PPL: variants seen among roughly 807,000 people sequenced by gnomAD.
PPL encodes the protein 190 kDa paraneoplastic pemphigus antigen.
A neutral mutation model predicts 194.4 loss-of-function variants in PPL; 198 were observed. The observed-to-expected ratio is 1.02, with a 90% CI of 0.91 to 1.15. PPL has a LOEUF of 1.15. Among genes scored for constraint, PPL ranks in the 50% most tolerant of loss-of-function variants. The pLI is 0.00. For missense variants in PPL, 2,885 were observed against 2,294.8 expected (o/e 1.26, Z -5.25); for synonymous variants, 1,220 against 972.4 (o/e 1.25, Z -4.74).
At chr16:4,907,318 A>T (rs1182262833) in intron 2 of PPL, among the ~76,000 whole-genome samples, 5 of 9,012 alleles carry the variant, frequency 5.5e-4, no homozygotes, top group African/African-American at 7.8e-4. Flanking sequence ...TCACACACAC[A>T]CACACACACA....
chr16:4,888,555 CCTCTT>C (rs1481554750), intron 19 of PPL, among the ~76,000 whole-genome samples: 12 of 152,160 alleles, frequency 7.9e-5, no homozygotes, highest in African/African-American at 2.9e-4. Context: ...CTTGCCACCA[CCTCTT>C]CTCATGTTTA....
rs1369326572 is a variant in PPL, at chr16:4,884,077, C to T, written c.4578G>A (p.Glu1526=). 14 of 1,613,160 alleles carry T rather than the reference C, an allele frequency of 8.7e-6. No homozygotes were observed. Among genetic ancestry groups the T allele is most frequent in the Non-Finnish European group, 1.0e-5 (12 of 1,179,964 alleles). ...CGTCCAGCTCGCGCTTGCTGCGGCTCTCCTCCTCCAGGCTGCTCTTGAGCC... is the reference window on the plus strand; with the variant it reads ...CGTCCAGCTCGCGCTTGCTGCGGCTTTCCTCCTCCAGGCTGCTCTTGAGCC... The part of the protein sequence containing the change: ...IQRLKSSLEE[E]SRSKRELDVE... Residue 1526 remains glutamate, a synonymous_variant, in exon 22 of 22, where the codon GAG becomes GAA. Coordinates refer to ENST00000345988, the MANE Select transcript of PPL (RefSeq NM_002705.5). The surrounding 1 kb of genome is among the most constrained non-coding windows in gnomAD (Gnocchi z 5.7).
rs149084017 is a variant in PPL at position 4,884,402 on chromosome 16, C to A, written c.4253G>T (p.Arg1418Leu). 4.4e-6 allele frequency: 7 copies of A among 1,608,368 alleles called. No individual in the cohort carries two copies. In the South Asian group the frequency reaches 5.5e-5, roughly 13 times the overall value. ...RERQARREAE[R>L]EVQRLQQRLA... ...CCGCTGCTGCAACCGCTGTACCTCG[C>A]GCTCGGCCTCCCTGCGGGCCTGCCG... The change falls in exon 22 of 22, where the codon CGC becomes CTC. Residue 1418 changes from arginine to leucine, a missense_variant. Coordinates refer to ENST00000345988, the MANE Select transcript of PPL (RefSeq NM_002705.5). The surrounding 1 kb of genome is among the most constrained non-coding windows in gnomAD (Gnocchi z 5.7).
At chr16:4,897,332 CAAAAAAAAA>C (rs57191109) in intron 9 of PPL, among the ~76,000 whole-genome samples, 1 of 53,428 alleles carries the variant, frequency 1.9e-5, no homozygotes, top group Non-Finnish European at 3.6e-5. Context: ...AAGACTCTCT[CAAAAAAAAA>C]AAAAAAAAAA....
intron 2 of PPL, 32 bp from the exon 3 acceptor site, chr16:4,904,072 C>A: frequency 1.3e-6 from 2 of 1,599,796 alleles, no homozygotes; most frequent in Non-Finnish European, 1.7e-6. Context: ...GGACAATGAA[C>A]AGGAGCCGAG....
chr16:4,895,365 C>A lies in PPL; in HGVS notation c.1138G>T (p.Gly380Trp), dbSNP rs371195256. Reference sequence around the variant, plus strand: ...ACCTGCTGGCCTCGCTTCTGCAGCCCCTGCACCACGTCCTCATACTTGTCC... The same window carrying A: ...ACCTGCTGGCCTCGCTTCTGCAGCCACTGCACCACGTCCTCATACTTGTCC... ...VLDKYEDVVQ[G>W]LQKRGQQVVP... The change falls in exon 11 of 22, where the codon GGG becomes TGG. Residue 380 changes from glycine to tryptophan, a missense_variant. Physicochemically the swap from Gly to Trp is radical, Grantham distance 184. Coordinates refer to ENST00000345988, the MANE Select transcript of PPL (RefSeq NM_002705.5). 24 of 1,613,394 alleles carry A rather than the reference C, an allele frequency of 1.5e-5. No homozygotes were observed. The highest frequency in any genetic ancestry group is 3.3e-4 in the Middle Eastern group (2 of 6,060).
chr16:4,893,877 A>C, intron 12 of PPL: 1 of 562,818 alleles, frequency 1.8e-6, no homozygotes. Flanking sequence ...CTGTCCAATA[A>C]TCACCACCAA....
intron 3 of PPL, among the ~76,000 whole-genome samples, 163 bp downstream of exon 3, chr16:4,903,720 CAAA>C (rs57261954): frequency 7.7e-6 from 1 of 129,496 alleles, no homozygotes; most frequent in Non-Finnish European, 1.7e-5. Context: ...AACTACGTCT[CAAA>C]AAAAAAAAAA....
rs757266130 is a variant in PPL at position 4,884,429 on chromosome 16, T to A, written c.4226A>T (p.Glu1409Val). The change falls in exon 22 of 22, where the codon GAG (glutamate) becomes GTG (valine). Residue 1409 changes from glutamate to valine, a missense_variant. Coordinates refer to ENST00000345988, the MANE Select transcript of PPL (RefSeq NM_002705.5). This position sits in a 1 kb window ranked among gnomAD's most constrained non-coding sequence, Gnocchi z 5.7. Reference sequence around the variant, plus strand: ...CTCGGCCTCCCTGCGGGCCTGCCGCTCGCGCTCTAGCTCCTCCAGCTGCCG... The same window carrying A: ...CTCGGCCTCCCTGCGGGCCTGCCGCACGCGCTCTAGCTCCTCCAGCTGCCG... The part of the protein sequence containing the change: ...LERQLEELER[E>V]RQARREAERE... 131 of 1,603,430 alleles carry A rather than the reference T, an allele frequency of 8.2e-5. No individual in the cohort carries two copies. Among genetic ancestry groups the A allele is most frequent in the Non-Finnish European group, 1.1e-4 (127 of 1,177,472 alleles).
chr16:4,923,217 G>A (rs970243883), intron 1 of PPL, among the ~76,000 whole-genome samples: 1 of 152,178 alleles, frequency 6.6e-6, no homozygotes, highest in Non-Finnish European at 1.5e-5. Flanking sequence ...GGTTCTACCT[G>A]GGAACGCGTC....
Position 4,887,132 on chromosome 16 carries a change from T to C in PPL, c.2607+3A>G. The C allele has an allele frequency of 6.2e-7, 1 of 1,606,406 alleles. No individual in the cohort carries two copies. Among genetic ancestry groups the C allele is most frequent in the Non-Finnish European group, 8.5e-7 (1 of 1,172,916 alleles). On this transcript the variant is annotated splice_donor_region_variant and intron_variant, in intron 21 of 21. Transcript: ENST00000345988. ...AGTAGAATTTCTTACTAAGATCAGT[T>C]ACCTGTCTGAGGAGATTCAGAGCAA...
chr16:4,887,358 C>T (rs980188534), intron 20 of PPL, 131 bp from the exon 21 acceptor site: 1 of 695,158 alleles, frequency 1.4e-6, no homozygotes, highest in South Asian at 1.5e-5. Flanking sequence ...CTCTTGCCCA[C>T]TCCTGCCTGG....
chr16:4,885,043 AC>A lies in PPL; in HGVS notation c.3611del (p.Gly1204ValfsTer28), dbSNP rs747809990. The A allele has an allele frequency of 6.2e-7, 1 of 1,613,288 alleles. No homozygotes were observed. Among genetic ancestry groups the A allele is most frequent in the African/African-American group, 1.3e-5 (1 of 74,876 alleles). ...ELVEQERKYR[G>X]AEEQLRSYQS... ...GGTAGCTCCGGAGCTGCTCCTCGGC[AC>A]CCCGGTACTTTCGCTCCTGCTCCAC... On this transcript the variant is annotated frameshift_variant, in exon 22 of 22. Coordinates refer to ENST00000345988, the MANE Select transcript of PPL (RefSeq NM_002705.5). LOFTEE classifies it high-confidence loss of function. This position sits in a 1 kb window ranked among gnomAD's most constrained non-coding sequence, Gnocchi z 6.3.
chr16:4,902,665 G>T lies in PPL; in HGVS notation c.318-139C>A. ...TGGCCTTGGGTTCCAGACAATCACA[G>T]CATCCTCTCACCCCTCCTCCCATGC... On this transcript the variant is annotated intron_variant, in intron 3 of 21. Transcript: ENST00000345988. This position sits in a 1 kb window ranked among gnomAD's most constrained non-coding sequence, Gnocchi z 4.0. 1.1e-6 allele frequency: 1 copy of T among 908,418 alleles called. No homozygotes were observed. The highest frequency in any genetic ancestry group is 1.6e-6 in the Non-Finnish European group (1 of 627,230). The allele number at this position is 908,418 out of a possible 1,614,324, so 56.3% of individuals were successfully genotyped here. A position where few individuals can be genotyped will look rare whatever the true frequency, so the allele number is the denominator to read the frequency against.
At position 4,921,960 on chromosome 16, in the gene PPL, C is replaced by T. The variant is rs539967554; in HGVS notation, c.63-11011G>A. ...GACAGAGGTAGCACCCTGGCCTTGA[C>T]ACACCACCGATGCTCCACGTGGGCA... On this transcript the variant is annotated intron_variant, in intron 1 of 21. Transcript: ENST00000345988. Among the ~76,000 whole-genome samples, 3 of 151,992 alleles carry T rather than the reference C, an allele frequency of 2.0e-5. No individual in the cohort carries two copies. The South Asian group carries it at 6.2e-4, about 32-fold the overall frequency.
chr16:4,889,235 G>GT (rs2088271521), intron 18 of PPL, among the ~76,000 whole-genome samples, 174 bp from the exon 19 acceptor site: 3 of 18,710 alleles, frequency 1.6e-4, no homozygotes, highest in Admixed American at 7.2e-4. Context: ...TTTTTTTGTT[G>GT]TTGTTGTTTT....
chr16:4,936,341 C>A (rs1159806076), intron 1 of PPL, among the ~76,000 whole-genome samples: 2 of 152,174 alleles, frequency 1.3e-5, no homozygotes, highest in African/African-American at 2.4e-5. Context: ...GCCCCTCGAC[C>A]CGACCCCACA....
intron 1 of PPL, among the ~76,000 whole-genome samples, chr16:4,924,385 C>A (rs1239113201): frequency 6.6e-6 from 1 of 152,116 alleles, no homozygotes; most frequent in African/African-American, 2.4e-5. Flanking sequence ...AATAGGACTG[C>A]GAGATTCTAG....
At position 4,895,252 on chromosome 16, in the gene PPL, C is replaced by G; in HGVS notation, c.1242+9G>C. The G allele has an allele frequency of 6.3e-7, 1 of 1,596,300 alleles. No individual in the cohort carries two copies. Among genetic ancestry groups the G allele is most frequent in the Non-Finnish European group, 8.5e-7 (1 of 1,170,662 alleles). ...TAGTGATGTGAACAGAGGAGCTGGCCCCACGCACCTGCTCCCCCTCAAAGT... is the reference window on the plus strand; with the variant it reads ...TAGTGATGTGAACAGAGGAGCTGGCGCCACGCACCTGCTCCCCCTCAAAGT... On this transcript the variant is annotated intron_variant, in intron 11 of 21. Coordinates refer to ENST00000345988, the MANE Select transcript of PPL (RefSeq NM_002705.5).
Sources: allele counts gnomAD v4.1 joint callset (sites outside exome capture counted in the v4.1 genomes callset), GRCh38; gene constraint gnomAD v4.1.1; non-coding constraint Gnocchi (gnomAD v3.1); transcripts MANE v1.5; gene names NCBI Gene and HGNC (gene_info 2026-07-23, HGNC 2026-07-21).